The following DDX19B variants were observed in gnomAD, a reference collection of about 807,000 sequenced individuals.
DDX19B encodes the protein ATP-dependent RNA helicase DDX19B.
Under a neutral mutation model 58.1 loss-of-function variants are expected in DDX19B, and 27 were observed. The ratio of observed to expected loss-of-function variants is 0.46; its 90% CI spans 0.34 to 0.64. The LOEUF is 0.64. DDX19B is among the 30% of genes least tolerant of loss of function. The pLI, the probability that DDX19B is intolerant of heterozygous loss-of-function variation, is 0.01. For synonymous variants in DDX19B, 187 were observed against 214.4 expected (o/e 0.87, Z 1.12); for missense variants, 399 against 596.5 (o/e 0.67, Z 3.45).
intron 5 of DDX19B, among the ~76,000 whole-genome samples, chr16:70,320,821 T>G (rs1962746555): frequency 6.6e-6 from 1 of 151,750 alleles, no homozygotes; most frequent in Non-Finnish European, 1.5e-5. Context: ...CCTCCCAAAG[T>G]GCTGAGATTA....
In DDX19B at chr16:70,335,151, C is replaced by G. The variant is rs1176849447; in HGVS notation, c.*1569C>G. Reference sequence around the variant, plus strand: ...TGGGTACTCGACTATGTAGTTTTCTCTATGCTTCTGGTCAACTCTGACACA... The same window carrying G: ...TGGGTACTCGACTATGTAGTTTTCTGTATGCTTCTGGTCAACTCTGACACA... On this transcript the variant is annotated 3_prime_UTR_variant, in exon 12 of 12. Transcript: ENST00000288071. 1 of 152,204 alleles carries G rather than the reference C, an allele frequency of 6.6e-6. No individual in the cohort carries two copies. Among genetic ancestry groups the G allele is most frequent in the African/African-American group, 2.4e-5 (1 of 41,450 alleles). 9.4% of individuals were successfully genotyped at this position (152,204 alleles called of 1,614,324 possible).
At chr16:70,299,559 G>A (rs1961375862) in intron 1 of DDX19B, among the ~76,000 whole-genome samples, 1 of 152,098 alleles carries the variant, frequency 6.6e-6, no homozygotes, top group Non-Finnish European at 1.5e-5. Flanking sequence ...TCGGTAAAGC[G>A]CTCAGCTGCC....
chr16:70,314,920 A>G lies in DDX19B; in HGVS notation c.125A>G (p.Asn42Ser). ...TATAAAGGTGCTGTTGTCAAGACCA[A>G]TGCCAATGCAGAGAAGACAGATGAA... is the stretch of plus-strand genomic sequence containing the variant. ...PDTNGAVVKT[N>S]ANAEKTDEEE... Residue 42 changes from asparagine to serine, a missense_variant, in exon 3 of 12, where the codon AAT (asparagine) becomes AGT (serine). Physicochemically the swap from Asn to Ser is conservative, Grantham distance 46 (BLOSUM62 1). Transcript: ENST00000288071. 1.9e-6 allele frequency: 3 copies of G among 1,609,354 alleles called. No individual in the cohort carries two copies. The highest frequency in any genetic ancestry group is 1.7e-6 in the Non-Finnish European group (2 of 1,176,910).
In DDX19B at chr16:70,304,468, G is replaced by A. The variant is rs192557016; in HGVS notation, c.57+5114G>A. On this transcript the variant is annotated intron_variant, in intron 1 of 11. Coordinates refer to ENST00000288071, the MANE Select transcript of DDX19B (RefSeq NM_007242.7). ...GCTCACTGCAACCTCCACCTCCCAG[G>A]TTCAAGCGATTCTCCTGCCTTAGTC... is the stretch of plus-strand genomic sequence containing the variant. Among the ~76,000 whole-genome samples, 220 of 151,488 alleles carry A rather than the reference G, an allele frequency of 1.5e-3. 1 individual carries two copies. The highest frequency in any genetic ancestry group is 1.8e-3 in the Non-Finnish European group (123 of 67,898).
upstream of DDX19B, among the ~76,000 whole-genome samples, chr16:70,295,719 G>A (rs1021983131): frequency 3.9e-5 from 6 of 152,028 alleles, no homozygotes; most frequent in Admixed American, 1.3e-4. Flanking sequence ...GAAACATGGA[G>A]CCAAGCACAG....
At chr16:70,309,952 A>G (rs956311232) in intron 1 of DDX19B, among the ~76,000 whole-genome samples, 7 of 151,986 alleles carry the variant, frequency 4.6e-5, no homozygotes, top group African/African-American at 1.7e-4. Flanking sequence ...TTAGAGGGAC[A>G]ACAGAAATGC....
At chr16:70,306,269 A>G (rs528416599) in intron 1 of DDX19B, among the ~76,000 whole-genome samples, 63 of 152,114 alleles carry the variant, frequency 4.1e-4, no homozygotes, top group African/African-American at 1.5e-3. Context: ...CTCCCACCTC[A>G]GCCTTGCAAG....
At chr16:70,324,362 CAAAAAAAAAAA>C (rs57977602) in intron 5 of DDX19B, among the ~76,000 whole-genome samples, 2 of 48,854 alleles carry the variant, frequency 4.1e-5, no homozygotes, top group South Asian at 1.0e-3. Flanking sequence ...GACCTAATCT[CAAAAAAAAAAA>C]AAAAAAAAAA....
At chr16:70,302,495 A>T (rs1176835861) in intron 1 of DDX19B, among the ~76,000 whole-genome samples, 1 of 152,170 alleles carries the variant, frequency 6.6e-6, no homozygotes, top group Non-Finnish European at 1.5e-5. Context: ...TATATATAAT[A>T]TATAACCTTT....
In DDX19B at chr16:70,325,703, T is replaced by C. The variant is rs74024199; in HGVS notation, c.607+15T>C. On this transcript the variant is annotated intron_variant, in intron 7 of 11. Coordinates refer to ENST00000288071, the MANE Select transcript of DDX19B (RefSeq NM_007242.7). The stretch of plus-strand genomic sequence containing the variant: ...AGGCAATAAATGTGAGTATGTGAAT[T>C]TGGTCCTAAATCATCAACCTAATTC... 6.4e-7 allele frequency: 1 copy of C among 1,573,166 alleles called. No individual in the cohort carries two copies. Among genetic ancestry groups the C allele is most frequent in the Non-Finnish European group, 8.7e-7 (1 of 1,145,510 alleles).
At position 70,323,493 on chromosome 16, in the gene DDX19B, G is replaced by A. The variant is rs138620899; in HGVS notation, c.390-1092G>A. On this transcript the variant is annotated intron_variant, in intron 5 of 11. Transcript: ENST00000288071. Reference sequence around the variant, plus strand: ...GGCTGGAGTACAGTGGCGCGATCTCGGCTCACTGCAACCTCTGCCTCGTGG... The same window carrying A: ...GGCTGGAGTACAGTGGCGCGATCTCAGCTCACTGCAACCTCTGCCTCGTGG... Among the ~76,000 whole-genome samples the A allele has an allele frequency of 3.0e-3, 443 of 149,692 alleles. 1 individual carries two copies. The highest frequency in any genetic ancestry group is 0.01 in the African/African-American group (423 of 40,608).
intron 1 of DDX19B, among the ~76,000 whole-genome samples, chr16:70,307,620 C>G (rs2152189738): frequency 6.6e-6 from 1 of 152,158 alleles, no homozygotes; most frequent in Non-Finnish European, 1.5e-5. Flanking sequence ...ATCTCGGCCT[C>G]CCAAAGTACT....
chr16:70,296,919 T>G (rs547206758), upstream of DDX19B, among the ~76,000 whole-genome samples: 3 of 152,234 alleles, frequency 2.0e-5, no homozygotes, highest in Non-Finnish European at 4.4e-5. Flanking sequence ...TTTGTTTTTA[T>G]TTATGTATTT....
exon 1 of DDX19B, chr16:70,289,767 GC>G: frequency 5.2e-6 from 1 of 190,892 alleles, no homozygotes; most frequent in African/African-American, 6.1e-5. Context: ...GCCCCCCCCC[GC>G]CCCCGGCTCC....
intron 10 of DDX19B, 76 bp downstream of exon 10, chr16:70,331,960 C>T (rs1963506256): frequency 2.1e-5 from 33 of 1,574,420 alleles, no homozygotes; most frequent in Non-Finnish European, 2.7e-5. Context: ...AATCCTTGTA[C>T]ACAGGGAAGT....
chr16:70,322,083 T>G (rs1363740779), intron 5 of DDX19B, among the ~76,000 whole-genome samples: 1 of 149,056 alleles, frequency 6.7e-6, no homozygotes, highest in African/African-American at 2.5e-5. Context: ...TAGTGGCTCA[T>G]GCCTGTTATC....
At chr16:70,326,904 G>A (rs1471091037) in intron 7 of DDX19B, among the ~76,000 whole-genome samples, 1 of 151,414 alleles carries the variant, frequency 6.6e-6, no homozygotes. Flanking sequence ...GCACAGTCTT[G>A]GCTCACTGCA....
At position 70,322,615 on chromosome 16, in the gene DDX19B, C is replaced by T. The variant is rs189226395; in HGVS notation, c.390-1970C>T. Reference sequence around the variant, plus strand: ...AAAAAAAAAAAAAAAAAAAAAAGGCCGGGCGTGGTGGCTCACGACTGTAAT... The same window carrying T: ...AAAAAAAAAAAAAAAAAAAAAAGGCTGGGCGTGGTGGCTCACGACTGTAAT... On this transcript the variant is annotated intron_variant, in intron 5 of 11. Transcript: ENST00000288071. Among the ~76,000 whole-genome samples, 538 of 148,406 alleles carry T rather than the reference C, an allele frequency of 3.6e-3. 2 individuals are homozygous for T. Among genetic ancestry groups the T allele is most frequent in the Middle Eastern group, 7.2e-3 (2 of 278 alleles).
chr16:70,291,535 G>A (rs1597455546), upstream of DDX19B, among the ~76,000 whole-genome samples: 1 of 152,100 alleles, frequency 6.6e-6, no homozygotes, highest in Non-Finnish European at 1.5e-5. Flanking sequence ...TTGGCCTAGC[G>A]TGGTGACTCA....
Sources: gnomAD v4.1 joint callset for allele counts (sites outside exome capture counted in the v4.1 genomes callset) on GRCh38, gnomAD v4.1.1 for gene constraint, MANE v1.5 for transcripts, NCBI Gene and HGNC (gene_info 2026-07-23, HGNC 2026-07-21) for gene names.